SCAP: variants seen among roughly 807,000 people sequenced by gnomAD.
SCAP encodes the protein sterol regulatory element-binding protein cleavage-activating protein.
SCAP carries 65 observed loss-of-function variants against 123.6 expected under a neutral mutation model. The observed-to-expected ratio is 0.53, with a 90% CI of 0.43 to 0.65. The LOEUF (loss-of-function observed/expected upper bound fraction) is 0.65. Among genes scored for constraint, SCAP ranks in the 30% least tolerant of loss-of-function variants. The probability of loss-of-function intolerance (pLI) is 0.00; values close to 1 mark genes in which losing one functional copy is unlikely to be tolerated. For synonymous variants in SCAP, 740 were observed against 726.3 expected, an observed-to-expected ratio of 1.02 and a Z score of -0.30; for missense variants, 1,398 against 1,712.5, an observed-to-expected ratio of 0.82 and a Z score of 3.24.
intron 16 of SCAP, 50 bp downstream of exon 16, chr3:47,418,084 G>A: frequency 7.2e-7 from 1 of 1,390,082 alleles, no homozygotes; most frequent in African/African-American, 1.5e-5. Flanking sequence ...CGGGGGGTGG[G>A]GTGAGGGGGG....
At chr3:47,425,223 C>A in intron 8 of SCAP, 1 of 442,408 alleles carries the variant, frequency 2.3e-6, no homozygotes, top group Non-Finnish European at 4.0e-6. Flanking sequence ...CCAACACACA[C>A]CCCTTATATA....
chr3:47,428,623 G>C lies in SCAP; in HGVS notation c.300C>G (p.Ser100=). Residue 100 remains serine (S), a synonymous_variant, in exon 4 of 23, where the codon TCC becomes TCG. Transcript: ENST00000265565. The part of the protein sequence containing the change: ...VAYVQQIFVK[S]SVFPWHKNLL... ...GGTTCTTGTGCCAGGGAAACACTGA[G>C]GACTTCACAAATATCTGCTGGACAT... 6.2e-7 allele frequency: 1 copy of C among 1,614,146 alleles called. No individual in the cohort carries two copies. The highest frequency in any genetic ancestry group is 8.5e-7 in the Non-Finnish European group (1 of 1,180,036).
chr3:47,421,100 C>T (rs1460558980), intron 10 of SCAP, 71 bp from the exon 11 acceptor site: 11 of 1,154,960 alleles, frequency 9.5e-6, no homozygotes, highest in East Asian at 4.7e-5. Flanking sequence ...GAGCAGTACC[C>T]GGACTGCAGC....
intron 6 of SCAP, 73 bp downstream of exon 6, chr3:47,427,084 C>A (rs930378582): frequency 3.7e-6 from 4 of 1,079,274 alleles, no homozygotes; most frequent in Middle Eastern, 2.0e-4. Context: ...ACACTCTAAC[C>A]AGAAGAGGGA....
Position 47,428,506 on chromosome 3 carries a change from G to A in SCAP, c.410+7C>T, listed in dbSNP as rs766071726. On this transcript the variant is annotated splice_region_variant and intron_variant, in intron 4 of 22. Coordinates refer to ENST00000265565, the MANE Select transcript of SCAP (RefSeq NM_012235.4). ...TTCAGGGAGGCCAGGGTCCCTGAGAGGGGTACCTGTCTCTCAGCACGTGGT... is the reference window on the plus strand; with the variant it reads ...TTCAGGGAGGCCAGGGTCCCTGAGAAGGGTACCTGTCTCTCAGCACGTGGT... The A allele has an allele frequency of 1.1e-5, 18 of 1,613,772 alleles. No individual in the cohort carries two copies. In the East Asian group the frequency reaches 3.3e-4, roughly 30 times the overall value.
chr3:47,421,087 G>C lies in SCAP; in HGVS notation c.1246-58C>G, dbSNP rs1047414554. On this transcript the variant is annotated intron_variant, in intron 10 of 22. Coordinates refer to ENST00000265565, the MANE Select transcript of SCAP (RefSeq NM_012235.4). ...CCGTGACCTCACTGTCCCAGCCCAAGAGGAGCAGTACCCGGACTGCAGCCA... is the reference window on the plus strand; with the variant it reads ...CCGTGACCTCACTGTCCCAGCCCAACAGGAGCAGTACCCGGACTGCAGCCA... 2.1e-6 allele frequency: 3 copies of C among 1,395,824 alleles called. No individual in the cohort carries two copies. The African/African-American group carries it at 4.3e-5, about 20-fold the overall frequency. 86.5% of individuals were successfully genotyped at this position (1,395,824 alleles called of 1,614,324 possible). A position where few individuals can be genotyped will look rare whatever the true frequency, so the allele number is the denominator to read the frequency against.
Position 47,424,102 on chromosome 3 carries a change from G to T in SCAP, c.1038-57C>A, listed in dbSNP as rs1003581291. Reference sequence around the variant, plus strand: ...TGTTGTGGTGGTTCCCAACAGACTGGGGCCCTCAGGAAGGCTGTGGGGTTT... The same window carrying T: ...TGTTGTGGTGGTTCCCAACAGACTGTGGCCCTCAGGAAGGCTGTGGGGTTT... On this transcript the variant is annotated intron_variant, in intron 8 of 22. Transcript: ENST00000265565. 3 of 1,339,256 alleles carry T rather than the reference G, an allele frequency of 2.2e-6. No homozygotes were observed. The African/African-American group carries it at 4.3e-5, about 19-fold the overall frequency. The allele number at this position is 1,339,256 out of a possible 1,614,324, so 83.0% of individuals were successfully genotyped here. A position where few individuals can be genotyped will look rare whatever the true frequency, so the allele number is the denominator to read the frequency against.
intron 7 of SCAP, 81 bp downstream of exon 7, chr3:47,425,916 C>T: frequency 6.6e-7 from 1 of 1,510,662 alleles, no homozygotes; most frequent in Non-Finnish European, 9.1e-7. Flanking sequence ...CCCAAGCCAC[C>T]TCCAGAGCCA....
intron 3 of SCAP, among the ~76,000 whole-genome samples, chr3:47,433,154 C>A (rs1461639909): frequency 6.6e-6 from 1 of 152,176 alleles, no homozygotes; most frequent in African/African-American, 2.4e-5. Context: ...ACCAAAAATT[C>A]CCTTTCACTT....
intron 1 of SCAP, among the ~76,000 whole-genome samples, chr3:47,447,054 C>T (rs555074269): frequency 6.6e-5 from 10 of 152,248 alleles, no homozygotes; most frequent in African/African-American, 2.2e-4. Context: ...GTTCCAGCAC[C>T]ATTTGGTGAA....
intron 10 of SCAP, 63 bp downstream of exon 10, chr3:47,422,379 C>A: frequency 6.9e-7 from 1 of 1,458,186 alleles, no homozygotes. Context: ...CCCATGGCTG[C>A]ACAGCTGGGG....
At chr3:47,436,934 A>G (rs1383034965) in intron 2 of SCAP, among the ~76,000 whole-genome samples, 2 of 152,224 alleles carry the variant, frequency 1.3e-5, no homozygotes, top group East Asian at 3.8e-4. Flanking sequence ...CTATTTTTGA[A>G]TGTCATATAA....
chr3:47,428,583 C>T lies in SCAP; in HGVS notation c.340G>A (p.Val114Ile), dbSNP rs747668597. 1 of 1,614,182 alleles carries T rather than the reference C, an allele frequency of 6.2e-7. No individual in the cohort carries two copies. The highest frequency in any genetic ancestry group is 8.5e-7 in the Non-Finnish European group (1 of 1,180,030). Residue 114 changes from valine to isoleucine, a missense_variant, in exon 4 of 23, where the codon GTA becomes ATA. Physicochemically the swap from Val to Ile is conservative, Grantham distance 29 (BLOSUM62 3). This residue lies in a region of SCAP where 319 missense variants were observed against 432.4 expected (regional missense o/e 0.74). Coordinates refer to ENST00000265565, the MANE Select transcript of SCAP (RefSeq NM_012235.4). Reference protein sequence around the residue: ...PWHKNLLAVDVFRSPLSRAFQ... With the variant: ...PWHKNLLAVDIFRSPLSRAFQ... ...GCCCGGGACAAAGGTGAACGAAATACATCTACTGCCAGGAGGTTCTTGTGC... is the reference window on the plus strand; with the variant it reads ...GCCCGGGACAAAGGTGAACGAAATATATCTACTGCCAGGAGGTTCTTGTGC...
chr3:47,471,736 G>T (rs972887115), intron 1 of SCAP, among the ~76,000 whole-genome samples: 1 of 152,088 alleles, frequency 6.6e-6, no homozygotes, highest in Non-Finnish European at 1.5e-5. Context: ...GTTCCCAAAT[G>T]TTTTGATCAT....
intron 3 of SCAP, among the ~76,000 whole-genome samples, chr3:47,430,840 T>G (rs909616655): frequency 6.6e-5 from 10 of 151,790 alleles, no homozygotes; most frequent in Non-Finnish European, 1.5e-4. Flanking sequence ...TGGGCTGCAG[T>G]CGGGAACTCC....
intron 10 of SCAP, 62 bp downstream of exon 10, chr3:47,422,380 A>G (rs1376061104): frequency 6.8e-7 from 1 of 1,461,220 alleles, no homozygotes; most frequent in Non-Finnish European, 9.5e-7. Context: ...CCATGGCTGC[A>G]CAGCTGGGGA....
Position 47,419,260 on chromosome 3 carries a change from G to C in SCAP, c.1940+68C>G. The C allele has an allele frequency of 1.3e-6, 2 of 1,533,286 alleles. No homozygotes were observed. Among genetic ancestry groups the C allele is most frequent in the East Asian group, 2.3e-5 (1 of 44,198 alleles). 95.0% of individuals were successfully genotyped at this position (1,533,286 alleles called of 1,614,324 possible). The stretch of plus-strand genomic sequence containing the variant: ...CATAATTCAAACCTGTGGGCCTCCT[G>C]CATTGGGGAAAGGGGATGGTGAGTT... On this transcript the variant is annotated intron_variant, in intron 13 of 22. Coordinates refer to ENST00000265565, the MANE Select transcript of SCAP (RefSeq NM_012235.4). This position sits in a 1 kb window ranked among gnomAD's most constrained non-coding sequence, Gnocchi z 5.0.
rs1255862387 is a variant in SCAP at position 47,442,986 on chromosome 3, A to T, written c.8T>A (p.Leu3Gln). MT[L>Q]TERLREKISR... ...TATCTTCTCACGCAGCCTTTCAGTC[A>T]GGGTCATCCTCAGCCGAAGTCACCT... Residue 3 changes from leucine (L) to glutamine (Q), a missense_variant, in exon 2 of 23, where the codon CTG becomes CAG. This residue lies in a region of SCAP where 319 missense variants were observed against 432.4 expected (regional missense o/e 0.74). Transcript: ENST00000265565. The T allele has an allele frequency of 6.2e-7, 1 of 1,613,884 alleles. No homozygotes were observed. The highest frequency in any genetic ancestry group is 8.5e-7 in the Non-Finnish European group (1 of 1,180,032).
At chr3:47,472,515 GT>G (rs1708070891) in intron 1 of SCAP, among the ~76,000 whole-genome samples, 1 of 151,542 alleles carries the variant, frequency 6.6e-6, no homozygotes. Context: ...AGGAAAATTA[GT>G]TTTATTTTTT....
Sources: gnomAD v4.1 joint callset for allele counts (sites outside exome capture counted in the v4.1 genomes callset) on GRCh38, gnomAD v4.1.1 for gene constraint, gnomAD v4.1.1 regional missense constraint, Gnocchi (gnomAD v3.1) non-coding constraint, MANE v1.5 for transcripts, NCBI Gene and HGNC (gene_info 2026-07-23, HGNC 2026-07-21) for gene names.